ADAMTS1: variants seen among roughly 807,000 people sequenced by gnomAD.
The protein encoded by ADAMTS1 is A disintegrin and metalloproteinase with thrombospondin motifs 1.
ADAMTS1 carries 19 observed loss-of-function variants against 87.9 expected under a neutral mutation model. The ratio of observed to expected loss-of-function variants is 0.22; its 90% confidence interval spans 0.15 to 0.32. The LOEUF (loss-of-function observed/expected upper bound fraction) is 0.32. Among genes scored for constraint, ADAMTS1 ranks in the 10% least tolerant of loss-of-function variants. ADAMTS1 has a pLI of 1.00. For synonymous variants in ADAMTS1, 542 were observed against 501.8 expected, an observed-to-expected ratio of 1.08 and a Z score of -1.07; for missense variants, 1,240 against 1,259.1, an observed-to-expected ratio of 0.98 and a Z score of 0.23.
intron 5 of ADAMTS1, 28 bp downstream of exon 5, chr21:26,840,248 C>A: frequency 6.2e-7 from 1 of 1,601,830 alleles, no homozygotes; most frequent in South Asian, 1.1e-5. Flanking sequence ...CTTTTCAATT[C>A]TGAATGTGTT....
chr21:26,840,064 A>G lies in ADAMTS1; in HGVS notation c.1666-3T>C. On this transcript the variant is annotated splice_region_variant and splice_polypyrimidine_tract_variant and intron_variant, in intron 5 of 8. Transcript: ENST00000284984. ...CCCCAGCTTCCATGAAAAGGCGTCT[A>G]AATGGAGACATAAATCATCAGCATT... The G allele has an allele frequency of 6.2e-7, 1 of 1,611,996 alleles. No homozygotes were observed.
chr21:26,836,665 G>A lies in ADAMTS1; in HGVS notation c.*914C>T, dbSNP rs189356685. ...TGATCTCAATGTCCCCAAACCTGTG[G>A]GACCCTGTTCTACACACCTCATTTT... On this transcript the variant is annotated 3_prime_UTR_variant, in exon 9 of 9. Transcript: ENST00000284984. The A allele has an allele frequency of 5.2e-5, 8 of 152,646 alleles. No homozygotes were observed. The highest frequency in any genetic ancestry group is 5.2e-4 in the Admixed American group (8 of 15,306). The allele number at this position is 152,646 out of a possible 1,614,324, so 9.5% of individuals were successfully genotyped here. A position where few individuals can be genotyped will look rare whatever the true frequency, so the allele number is the denominator to read the frequency against.
intron 2 of ADAMTS1, 94 bp downstream of exon 2, chr21:26,842,244 GC>G: frequency 7.8e-7 from 1 of 1,281,410 alleles, no homozygotes; most frequent in Non-Finnish European, 1.1e-6. Flanking sequence ...AAGGTTAACT[GC>G]AAAAACACTG....
chr21:26,838,923 A>C (rs1568809968), intron 7 of ADAMTS1: 1 of 241,848 alleles, frequency 4.1e-6, no homozygotes, highest in Non-Finnish European at 8.0e-6. Flanking sequence ...GCCTAGAATA[A>C]TTAGTATCTG....
Position 26,838,206 on chromosome 21 carries a change from C to T in ADAMTS1, c.2277G>A (p.Arg759=). The change falls in exon 9 of 9, where the codon AGG becomes AGA. Residue 759 remains arginine (R), a synonymous_variant. Transcript: ENST00000284984. ...TNIEVKQRNQ[R]GSRNNGSFLA... Reference sequence around the variant, plus strand: ...GAAAGCTGCCATTGTTCCTGGATCCCCTCTGGTTCCGCTGTTTCACTTCGA... The same window carrying T: ...GAAAGCTGCCATTGTTCCTGGATCCTCTCTGGTTCCGCTGTTTCACTTCGA... 2.5e-6 allele frequency: 4 copies of T among 1,614,050 alleles called. No individual in the cohort carries two copies. Among genetic ancestry groups the T allele is most frequent in the Non-Finnish European group, 3.4e-6 (4 of 1,180,008 alleles).
In ADAMTS1 at chr21:26,836,982, G is replaced by C. The variant is rs946640097; in HGVS notation, c.*597C>G. ...CAAAAAAGGAAAGAGGAAGCCATTT[G>C]CGTTATTTCACGTTGCTGAGCCTTT... On this transcript the variant is annotated 3_prime_UTR_variant, in exon 9 of 9. Transcript: ENST00000284984. The C allele has an allele frequency of 2.0e-5, 3 of 152,252 alleles. No homozygotes were observed. Among genetic ancestry groups the C allele is most frequent in the Admixed American group, 6.5e-5 (1 of 15,296 alleles). 9.4% of individuals were successfully genotyped at this position (152,252 alleles called of 1,614,324 possible). A position where few individuals can be genotyped will look rare whatever the true frequency, so the allele number is the denominator to read the frequency against.
At position 26,841,103 on chromosome 21, in the gene ADAMTS1, G is replaced by T. The variant is rs199698041; in HGVS notation, c.1273C>A (p.Gln425Lys). Residue 425 changes from glutamine to lysine, a missense_variant, in exon 4 of 9, where the codon CAG (glutamine) becomes AAG (lysine). Physicochemically the swap from Gln to Lys is moderately conservative, Grantham distance 53. Around this residue, in one of 3 missense-constraint regions of ADAMTS1, gnomAD observed 317 missense variants for 410.3 expected, o/e 0.77. Transcript: ENST00000284984. ...KQCASLNGVNQDSHMMASMLS... is the reference protein window; with the variant it reads ...KQCASLNGVNKDSHMMASMLS... ...ATTGACGCCATCATGTGGGAATCCT[G>T]GTTCACACCATTAAGGCTGGCACAC... 4 of 1,614,176 alleles carry T rather than the reference G, an allele frequency of 2.5e-6. No homozygotes were observed. Among genetic ancestry groups the T allele is most frequent in the Non-Finnish European group, 1.7e-6 (2 of 1,180,038 alleles).
rs1289493527 is a variant in ADAMTS1 at position 26,836,443 on chromosome 21, G to A, written c.*1136C>T. 1 of 152,418 alleles carries A rather than the reference G, an allele frequency of 6.6e-6. No homozygotes were observed. The highest frequency in any genetic ancestry group is 2.4e-5 in the African/African-American group (1 of 41,396). The allele number at this position is 152,418 out of a possible 1,614,324, so 9.4% of individuals were successfully genotyped here. On this transcript the variant is annotated 3_prime_UTR_variant, in exon 9 of 9. Transcript: ENST00000284984. ...TTATAGGCATTTATTACTAACTATA[G>A]TCCTTCTTGGAAGGAACACCCAAAC... is the stretch of plus-strand genomic sequence containing the variant.
rs930105315 is a variant in ADAMTS1, at chr21:26,844,294, C to T, written c.661G>A (p.Glu221Lys). The T allele has an allele frequency of 9.9e-6, 16 of 1,608,570 alleles. No individual in the cohort carries two copies. In the African/African-American group the frequency reaches 1.7e-4, roughly 17 times the overall value. Reference sequence around the variant, plus strand: ...CACTGAGCCCCTTCGTCCTCGCCCTCAGTCCCTTCGTCCTCGTCTTCGGTC... The same window carrying T: ...CACTGAGCCCCTTCGTCCTCGCCCTTAGTCCCTTCGTCCTCGTCTTCGGTC... ...AETEDEDEGT[E>K]GEDEGAQWSP... Residue 221 changes from glutamate (E) to lysine (K), a missense_variant, in exon 1 of 9, where the codon GAG becomes AAG. Glu to Lys is a moderately conservative substitution (Grantham distance 56). Transcript: ENST00000284984.
chr21:26,838,988 A>G (rs1568809995), intron 7 of ADAMTS1: 3 of 181,314 alleles, frequency 1.7e-5, no homozygotes, highest in Admixed American at 5.4e-5. Context: ...GCAACTTGGG[A>G]ATATTTTCAT....
Position 26,844,248 on chromosome 21 carries a change from A to G in ADAMTS1, c.707T>C (p.Leu236Pro), listed in dbSNP as rs768945500. The G allele has an allele frequency of 6.2e-5, 97 of 1,572,832 alleles. No homozygotes were observed. Among genetic ancestry groups the G allele is most frequent in the Non-Finnish European group, 1.9e-5 (22 of 1,159,508 alleles). ...ACCTGTGGGCTGTCCTACGCCTTGC[A>G]GTGCCGGGTCCTGCGGCGACCACTG... The part of the protein sequence containing the change: ...GAQWSPQDPA[L>P]QGVGQPTGTG... Residue 236 changes from leucine to proline, a missense_variant, in exon 1 of 9, where the codon CTG (leucine) becomes CCG (proline). Leu to Pro is a moderately conservative substitution (Grantham distance 98). Transcript: ENST00000284984.
At position 26,837,590 on chromosome 21, in the gene ADAMTS1, CT is replaced by C; in HGVS notation, c.2892del (p.Glu965AsnfsTer10). On this transcript the variant is annotated frameshift_variant, in exon 9 of 9. Transcript: ENST00000284984. LOFTEE classifies it high-confidence loss of function. The part of the protein sequence containing the change: ...PKHFIDFCTM[A>X]ECS The stretch of plus-strand genomic sequence containing the variant: ...ACCACTTAAACCACTTAACTGCATT[CT>C]GCCATTGTGCAAAAGTCTATGAAAT... 6.2e-7 allele frequency: 1 copy of C among 1,613,916 alleles called. No homozygotes were observed. The highest frequency in any genetic ancestry group is 8.5e-7 in the Non-Finnish European group (1 of 1,179,916).
rs139569181 is a variant in ADAMTS1 at position 26,840,830 on chromosome 21, C to T, written c.1378+168G>A. 1.9e-3 allele frequency among the ~76,000 whole-genome samples: 295 copies of T among 152,238 alleles called. 2 individuals are homozygous for T. Among genetic ancestry groups the T allele is most frequent in the African/African-American group, 5.9e-3 (246 of 41,546 alleles). ...GCTTTGGGAGCTACTCAACCGGAAGCACTATTTTTTATTTGGAATTAAGAT... is the reference window on the plus strand; with the variant it reads ...GCTTTGGGAGCTACTCAACCGGAAGTACTATTTTTTATTTGGAATTAAGAT... On this transcript the variant is annotated intron_variant, in intron 4 of 8. Coordinates refer to ENST00000284984, the MANE Select transcript of ADAMTS1 (RefSeq NM_006988.5).
chr21:26,841,551 T>A, intron 3 of ADAMTS1: 1 of 291,846 alleles, frequency 3.4e-6, no homozygotes. Context: ...GATTCATTCA[T>A]TTGTCCCAAA....
At position 26,844,106 on chromosome 21, in the gene ADAMTS1, G is replaced by A. The variant is rs1041328896; in HGVS notation, c.730+119C>T. The A allele has an allele frequency of 5.3e-6, 7 of 1,314,858 alleles. No individual in the cohort carries two copies. The East Asian group carries it at 1.8e-4, about 33-fold the overall frequency. The allele number at this position is 1,314,858 out of a possible 1,614,324, so 81.4% of individuals were successfully genotyped here. The stretch of plus-strand genomic sequence containing the variant: ...CCACATTCCTCCACTCCAGGCCTCC[G>A]TTCTGTCCGCGGACTTATGATCCTG... On this transcript the variant is annotated intron_variant, in intron 1 of 8. Transcript: ENST00000284984.
rs1985364567 is a variant in ADAMTS1 at position 26,836,383 on chromosome 21, TC to T, written c.*1195del. The T allele has an allele frequency of 6.6e-6, 1 of 152,646 alleles. No homozygotes were observed. The highest frequency in any genetic ancestry group is 2.4e-5 in the African/African-American group (1 of 41,464). The allele number at this position is 152,646 out of a possible 1,614,324, so 9.5% of individuals were successfully genotyped here. On this transcript the variant is annotated 3_prime_UTR_variant, in exon 9 of 9. Coordinates refer to ENST00000284984, the MANE Select transcript of ADAMTS1 (RefSeq NM_006988.5). Reference sequence around the variant, plus strand: ...AAGCGATATAATTTAAAAGTTTTTTTCATTAGAAATAAATGTATAAAAATAA... The same window carrying T: ...AAGCGATATAATTTAAAAGTTTTTTTATTAGAAATAAATGTATAAAAATAA...
Position 26,838,098 on chromosome 21 carries a change from T to C in ADAMTS1, c.2385A>G (p.Lys795=), listed in dbSNP as rs1488457629. Reference sequence around the variant, plus strand: ...AGCCGCTGTACCTCAAGACAACACCTTTGTACATAATGTCTTGCTCTAAGG... The same window carrying C: ...AGCCGCTGTACCTCAAGACAACACCCTTGTACATAATGTCTTGCTCTAAGG... ...LSTLEQDIMY[K]GVVLRYSGSS... Residue 795 remains lysine (K), a synonymous_variant, in exon 9 of 9, where the codon AAA becomes AAG. Transcript: ENST00000284984. The C allele has an allele frequency of 3.1e-6, 5 of 1,614,084 alleles. No individual in the cohort carries two copies. Among genetic ancestry groups the C allele is most frequent in the Middle Eastern group, 1.6e-4 (1 of 6,084 alleles).
chr21:26,840,260 C>T lies in ADAMTS1; in HGVS notation c.1665+16G>A. ...GTTCTTTTCAATTCTGAATGTGTTT[C>T]AGTAGAAAAACTCACATCAAAATGC... On this transcript the variant is annotated intron_variant, in intron 5 of 8. Transcript: ENST00000284984. The T allele has an allele frequency of 6.2e-7, 1 of 1,606,554 alleles. No homozygotes were observed. Among genetic ancestry groups the T allele is most frequent in the South Asian group, 1.1e-5 (1 of 90,198 alleles).
Position 26,842,367 on chromosome 21 carries a change from T to C in ADAMTS1, c.1049A>G (p.Tyr350Cys), listed in dbSNP as rs781361647. 13 of 1,614,054 alleles carry C rather than the reference T, an allele frequency of 8.1e-6. No homozygotes were observed. The highest frequency in any genetic ancestry group is 1.3e-5 in the African/African-American group (1 of 74,936). Residue 350 changes from tyrosine to cysteine, a missense_variant, in exon 2 of 9, where the codon TAT (tyrosine) becomes TGT (cysteine). By Grantham distance (194) the Tyr-to-Cys change is radical (BLOSUM62 -2). Transcript: ENST00000284984. ...TCTGGTGAAAAGAATTGCTGTGTCA[T>C]AGTGCTCTGCATCCCGGTCACTGGG... ...NPPSDRDAEH[Y>C]DTAILFTRQD...
Sources: allele counts gnomAD v4.1 joint callset (sites outside exome capture counted in the v4.1 genomes callset), GRCh38; gene constraint gnomAD v4.1.1; regional missense constraint gnomAD v4.1.1; transcripts MANE v1.5; gene names NCBI Gene and HGNC (gene_info 2026-07-23, HGNC 2026-07-21).